The following CHN1 variants were observed in gnomAD, a reference collection of about 807,000 sequenced individuals.
The protein encoded by CHN1 is N-chimaerin.
CHN1 carries 37 observed loss-of-function variants against 59.5 expected under a neutral mutation model. That is an observed-to-expected ratio of 0.62 (90% CI 0.48 to 0.82). CHN1 has a LOEUF of 0.82. Ranked by LOEUF, CHN1 falls within the 40% of genes least tolerant of loss-of-function variation. The pLI is 0.00. For missense variants in CHN1, 469 were observed against 571.0 expected, an observed-to-expected ratio of 0.82 and a Z score of 1.82; for synonymous variants, 206 against 200.4, an observed-to-expected ratio of 1.03 and a Z score of -0.24.
chr2:174,873,737 G>A (rs1687477498), intron 6 of CHN1, among the ~76,000 whole-genome samples: 1 of 152,058 alleles, frequency 6.6e-6, no homozygotes, highest in African/African-American at 2.4e-5. Flanking sequence ...ACACAGTCTG[G>A]AGATCCCAAA....
intron 5 of CHN1, among the ~76,000 whole-genome samples, chr2:174,903,401 T>A (rs1417745232): frequency 6.6e-6 from 1 of 152,230 alleles, no homozygotes; most frequent in Non-Finnish European, 1.5e-5. Flanking sequence ...AGCCACTCCT[T>A]AATGATTTTC....
At chr2:174,976,300 C>T (rs537422667) in intron 1 of CHN1, among the ~76,000 whole-genome samples, 21 of 151,974 alleles carry the variant, frequency 1.4e-4, no homozygotes, top group African/African-American at 4.1e-4. Context: ...TGCAGTGGCA[C>T]GATCTCGGCT....
chr2:174,870,126 G>T (rs1363435306), intron 6 of CHN1, among the ~76,000 whole-genome samples: 1 of 152,202 alleles, frequency 6.6e-6, no homozygotes, highest in Non-Finnish European at 1.5e-5. Flanking sequence ...ACTGAATGGT[G>T]TTAGAAGCTA....
At chr2:174,998,699 T>G (rs1413185483) in intron 1 of CHN1, among the ~76,000 whole-genome samples, 1 of 152,332 alleles carries the variant, frequency 6.6e-6, no homozygotes, top group East Asian at 1.9e-4. Context: ...ATTGGCTCTT[T>G]CCAAGAAGTG....
At chr2:174,843,809 A>G (rs1375966963) in intron 7 of CHN1, among the ~76,000 whole-genome samples, 1 of 152,172 alleles carries the variant, frequency 6.6e-6, no homozygotes, top group Non-Finnish European at 1.5e-5. Context: ...AGATTAAGCA[A>G]TTGACCCAAG....
intron 5 of CHN1, among the ~76,000 whole-genome samples, chr2:174,885,394 T>G (rs373219282): frequency 1.3e-5 from 2 of 152,094 alleles, no homozygotes; most frequent in African/African-American, 4.8e-5. Context: ...ATTACCATGA[T>G]AGAGTGTTTG....
In CHN1 at chr2:174,799,694, G is replaced by A. The variant is rs1294339436; in HGVS notation, c.*422C>T. The A allele has an allele frequency of 2.6e-5, 14 of 534,022 alleles. No homozygotes were observed. The highest frequency in any genetic ancestry group is 9.2e-5 in the South Asian group (6 of 65,170). The allele number at this position is 534,022 out of a possible 1,614,324, so 33.1% of individuals were successfully genotyped here. ...TGCTGTTTTATCCATTTGTGTGTGC[G>A]TGTTTGTACAAGCATCAGAAACCAA... On this transcript the variant is annotated 3_prime_UTR_variant, in exon 13 of 13. Coordinates refer to ENST00000409900, the MANE Select transcript of CHN1 (RefSeq NM_001822.7).
intron 7 of CHN1, among the ~76,000 whole-genome samples, chr2:174,839,958 A>C (rs55962688): frequency 0.083 from 12,353 of 148,942 alleles, 621 homozygotes; most frequent in Middle Eastern, 0.22. Flanking sequence ...ATCACACACA[A>C]AAAAAAATCT....
chr2:174,877,448 T>A (rs1222281983), intron 6 of CHN1, among the ~76,000 whole-genome samples: 3 of 151,922 alleles, frequency 2.0e-5, no homozygotes, highest in African/African-American at 4.8e-5. Context: ...ATAAAGTAAA[T>A]TATCTTTAAG....
intron 6 of CHN1, among the ~76,000 whole-genome samples, chr2:174,873,018 T>A (rs541617609): frequency 1.1e-4 from 13 of 114,802 alleles, no homozygotes; most frequent in Non-Finnish European, 1.8e-4. Context: ...GACTAATATA[T>A]ACTTTTTTTT....
intron 5 of CHN1, among the ~76,000 whole-genome samples, chr2:174,911,928 G>A (rs1388173565): frequency 6.6e-6 from 1 of 152,172 alleles, no homozygotes; most frequent in Non-Finnish European, 1.5e-5. Flanking sequence ...CATTTCTTAG[G>A]CAGTTACTTA....
intron 8 of CHN1, among the ~76,000 whole-genome samples, chr2:174,818,554 A>T (rs900295745): frequency 6.6e-6 from 1 of 152,124 alleles, no homozygotes; most frequent in Non-Finnish European, 1.5e-5. Context: ...TAATAATAAT[A>T]ATAAAAGGTC....
intron 5 of CHN1, among the ~76,000 whole-genome samples, chr2:174,887,703 T>C (rs1323375590): frequency 6.6e-6 from 1 of 152,214 alleles, no homozygotes; most frequent in Admixed American, 6.5e-5. Flanking sequence ...AGGCTATGTA[T>C]CTTTTAGAGC....
chr2:174,967,503 T>C (rs1376101246), intron 1 of CHN1, among the ~76,000 whole-genome samples: 1 of 152,222 alleles, frequency 6.6e-6, no homozygotes, highest in East Asian at 1.9e-4. Context: ...TGTTCCAATG[T>C]TCATGTTCCA....
chr2:174,802,864 C>A (rs938037699), intron 11 of CHN1, among the ~76,000 whole-genome samples: 2 of 152,006 alleles, frequency 1.3e-5, no homozygotes, highest in Non-Finnish European at 2.9e-5. Context: ...ATGGTGAAAC[C>A]CCGTCTCTAC....
chr2:174,874,213 G>A (rs1687490825), intron 6 of CHN1, among the ~76,000 whole-genome samples: 1 of 152,068 alleles, frequency 6.6e-6, no homozygotes, highest in South Asian at 2.1e-4. Flanking sequence ...TAAACATATT[G>A]TATTCACTAC....
intron 3 of CHN1, among the ~76,000 whole-genome samples, chr2:174,932,496 T>C (rs1400012395): frequency 6.6e-6 from 1 of 152,210 alleles, no homozygotes; most frequent in East Asian, 1.9e-4. Flanking sequence ...AAAGGAAGAC[T>C]GGATTTTGCC....
chr2:174,807,805 G>C (rs1219166486), intron 11 of CHN1, among the ~76,000 whole-genome samples: 3 of 152,024 alleles, frequency 2.0e-5, no homozygotes, highest in Non-Finnish European at 2.9e-5. Flanking sequence ...TTAGAACAAA[G>C]AAAGATTGTA....
intron 11 of CHN1, among the ~76,000 whole-genome samples, chr2:174,804,024 T>C (rs1684810726): frequency 6.6e-6 from 1 of 152,246 alleles, no homozygotes; most frequent in Admixed American, 6.5e-5. Context: ...TACTTGCTAC[T>C]GAGGGTGACT....
Sources: allele counts gnomAD v4.1 joint callset (sites outside exome capture counted in the v4.1 genomes callset), GRCh38; gene constraint gnomAD v4.1.1; transcripts MANE v1.5; gene names NCBI Gene and HGNC (gene_info 2026-07-23, HGNC 2026-07-21).